Variants in XPOT observed in about 807,000 individuals in gnomAD.
XPOT encodes exportin for tRNA.
Under a neutral mutation model 128.2 loss-of-function variants are expected in XPOT, and 34 were observed. The observed-to-expected ratio is 0.27, with a 90% CI of 0.20 to 0.35. XPOT has a LOEUF of 0.35. Ranked by LOEUF, XPOT falls within the 10% of genes least tolerant of loss-of-function variation. The pLI, the probability that XPOT is intolerant of heterozygous loss-of-function variation, is 1.00. For synonymous variants in XPOT, 348 were observed against 394.3 expected, an observed-to-expected ratio of 0.88 and a Z score of 1.39; for missense variants, 838 against 1,125.3, an observed-to-expected ratio of 0.74 and a Z score of 3.65.
chr12:64,441,604 T>C (rs1399743766), intron 23 of XPOT, among the ~76,000 whole-genome samples: 2 of 152,238 alleles, frequency 1.3e-5, no homozygotes, highest in Non-Finnish European at 2.9e-5. Context: ...CTTGGAACTC[T>C]TATACGGATT....
At chr12:64,416,263 A>G (rs912660174) in intron 3 of XPOT, among the ~76,000 whole-genome samples, 1 of 152,210 alleles carries the variant, frequency 6.6e-6, no homozygotes, top group South Asian at 2.1e-4. Flanking sequence ...CAATAGAACT[A>G]CTGGGGTTGA....
chr12:64,408,873 C>T (rs937507208), intron 1 of XPOT, among the ~76,000 whole-genome samples: 3 of 152,074 alleles, frequency 2.0e-5, no homozygotes, highest in South Asian at 2.1e-4. Flanking sequence ...AGGGTTTCAC[C>T]GTATTGGTCA....
rs142884146 is a variant in XPOT, at chr12:64,434,539, G to A, written c.2485G>A (p.Val829Ile). Residue 829 changes from valine (V) to isoleucine (I), a missense_variant, in exon 20 of 25, where the codon GTT becomes ATT. Coordinates refer to ENST00000332707, the MANE Select transcript of XPOT (RefSeq NM_007235.6). ...AENVERVLVT[V>I]IQGAVEYPDP... ...GAATGTAGAAAGAGTGTTGGTTACT[G>A]TTATCCAAGGAGCAGTTGAATATCC... 732 of 1,614,002 alleles carry A rather than the reference G, an allele frequency of 4.5e-4. 1 individual carries two copies. Among genetic ancestry groups the A allele is most frequent in the Non-Finnish European group, 5.6e-4 (656 of 1,179,898 alleles).
chr12:64,425,985 A>G, intron 15 of XPOT, 76 bp downstream of exon 15: 2 of 1,386,896 alleles, frequency 1.4e-6, no homozygotes, highest in South Asian at 1.2e-5. Flanking sequence ...TAGTAAAGAC[A>G]TGGAATCAAC....
intron 2 of XPOT, among the ~76,000 whole-genome samples, chr12:64,412,864 T>G (rs567385158): frequency 1.3e-5 from 2 of 152,314 alleles, no homozygotes; most frequent in African/African-American, 4.8e-5. Context: ...CTTGTGCTGA[T>G]GAAGGATCCA....
intron 5 of XPOT, among the ~76,000 whole-genome samples, chr12:64,418,550 G>A (rs1004686087): frequency 3.8e-4 from 58 of 151,974 alleles, no homozygotes; most frequent in African/African-American, 1.4e-3. Context: ...AGCAAGTAGA[G>A]GAAAATTTTT....
chr12:64,437,406 G>C (rs769620108), intron 22 of XPOT, among the ~76,000 whole-genome samples: 9 of 152,230 alleles, frequency 5.9e-5, no homozygotes, highest in Non-Finnish European at 1.2e-4. Context: ...TGATATTTTT[G>C]ATGGCCCTTA....
chr12:64,417,674 C>T (rs1378032607), intron 4 of XPOT, among the ~76,000 whole-genome samples: 1 of 152,212 alleles, frequency 6.6e-6, no homozygotes, highest in Non-Finnish European at 1.5e-5. Flanking sequence ...GCTGCATGGG[C>T]ACTTGTGTTC....
intron 2 of XPOT, among the ~76,000 whole-genome samples, chr12:64,414,004 C>T (rs1381462614): frequency 6.6e-6 from 1 of 152,198 alleles, no homozygotes; most frequent in African/African-American, 2.4e-5. Flanking sequence ...TTGTTTCATA[C>T]ATAATTGCTG....
intron 11 of XPOT, 81 bp downstream of exon 11, chr12:64,423,325 T>A: frequency 1.0e-6 from 1 of 966,752 alleles, no homozygotes; most frequent in Non-Finnish European, 1.5e-6. Flanking sequence ...TCTTATTGTT[T>A]CGGGGCCCTT....
At chr12:64,421,097 C>T (rs746075566) in intron 8 of XPOT, 138 bp from the exon 9 acceptor site, 55 of 739,448 alleles carry the variant, frequency 7.4e-5, no homozygotes, top group Non-Finnish European at 1.1e-4. Flanking sequence ...CCACCGTGCC[C>T]AGCCTGGAAT....
Position 64,421,694 on chromosome 12 carries a change from ATAGGTT to A in XPOT, c.1080+231_1080+236del, listed in dbSNP as rs1408158166. The stretch of plus-strand genomic sequence containing the variant: ...AGACTAACCAGCTTCAGAGGTAGTT[ATAGGTT>A]TAGGTTTTTTTTTTTATTTTGAACC... On this transcript the variant is annotated intron_variant, in intron 9 of 24. Coordinates refer to ENST00000332707, the MANE Select transcript of XPOT (RefSeq NM_007235.6). Among the ~76,000 whole-genome samples the A allele has an allele frequency of 4.0e-5, 6 of 151,832 alleles. No homozygotes were observed. In the East Asian group the frequency reaches 9.6e-4, roughly 24 times the overall value.
intron 1 of XPOT, among the ~76,000 whole-genome samples, chr12:64,405,907 C>G (rs1297672027): frequency 6.7e-6 from 1 of 150,268 alleles, no homozygotes; most frequent in Non-Finnish European, 1.5e-5. Flanking sequence ...TGAGCCACCG[C>G]GCCCGGCCTT....
intron 5 of XPOT, 72 bp downstream of exon 5, chr12:64,418,187 C>T: frequency 7.7e-7 from 1 of 1,294,028 alleles, no homozygotes. Context: ...GAGTTTGGAA[C>T]TTTACCTCAA....
At chr12:64,445,525 T>C (rs2040360696) in intron 24 of XPOT, among the ~76,000 whole-genome samples, 1 of 152,180 alleles carries the variant, frequency 6.6e-6, no homozygotes, top group Non-Finnish European at 1.5e-5. Context: ...ATTTGGGCCA[T>C]CAAGCCTCCT....
At chr12:64,409,911 T>A in intron 1 of XPOT, 51 bp from the exon 2 acceptor site, 1 of 740,318 alleles carries the variant, frequency 1.4e-6, no homozygotes, top group Middle Eastern at 2.5e-4. Context: ...AGGATAAGCA[T>A]CTATTTGTTT....
intron 2 of XPOT, 21 bp downstream of exon 2, chr12:64,410,116 AT>A: frequency 1.9e-6 from 3 of 1,611,868 alleles, no homozygotes; most frequent in Non-Finnish European, 1.7e-6. Context: ...CTGCTGAATC[AT>A]TTTTTAATCA....
At chr12:64,426,001 T>G in intron 15 of XPOT, 92 bp downstream of exon 15, 8 of 1,134,192 alleles carry the variant, frequency 7.1e-6, no homozygotes, top group Non-Finnish European at 1.1e-5. Context: ...TCAACCTAGG[T>G]GCCCATCAGT....
At chr12:64,434,644 A>C (rs1202970997) in intron 20 of XPOT, 21 bp downstream of exon 20, 1 of 1,596,704 alleles carries the variant, frequency 6.3e-7, no homozygotes, top group South Asian at 1.1e-5. Context: ...TTTATTTCTT[A>C]ACCTTCATTT....
Sources: gnomAD v4.1 joint callset for allele counts (sites outside exome capture counted in the v4.1 genomes callset) on GRCh38, gnomAD v4.1.1 for gene constraint, MANE v1.5 for transcripts, NCBI Gene and HGNC (gene_info 2026-07-23, HGNC 2026-07-21) for gene names.